Variants in PNPLA7 observed in about 807,000 individuals in gnomAD.
PNPLA7 encodes patatin-like phospholipase domain-containing protein 7.
In PNPLA7, 153 loss-of-function variants were observed where a neutral mutation model predicts 161.7. That is an observed-to-expected ratio of 0.95 (90% CI 0.83 to 1.08). PNPLA7 has a LOEUF of 1.08. Ranked by LOEUF, PNPLA7 falls within the 50% of genes least tolerant of loss-of-function variation. The pLI, the probability that PNPLA7 is intolerant of heterozygous loss-of-function variation, is 0.00. For synonymous variants in PNPLA7, 809 were observed against 782.1 expected (o/e 1.03, Z -0.57); for missense variants, 1,739 against 1,856.6 (o/e 0.94, Z 1.16).
chr9:137,462,465 C>T lies in PNPLA7; in HGVS notation c.3493-134G>A, dbSNP rs1166236144. 3 of 1,442,482 alleles carry T rather than the reference C, an allele frequency of 2.1e-6. No homozygotes were observed. The African/African-American group carries it at 4.3e-5, about 21-fold the overall frequency. 89.4% of individuals were successfully genotyped at this position (1,442,482 alleles called of 1,614,324 possible). Reference sequence around the variant, plus strand: ...TTCTGGGGGGAGAGGGTAGCAGCACCCGGCCGGGGGTCCTCCCTGCGGGCT... The same window carrying T: ...TTCTGGGGGGAGAGGGTAGCAGCACTCGGCCGGGGGTCCTCCCTGCGGGCT... On this transcript the variant is annotated intron_variant, in intron 30 of 34. Coordinates refer to ENST00000406427, the MANE Select transcript of PNPLA7 (RefSeq NM_001098537.3).
intron 8 of PNPLA7, among the ~76,000 whole-genome samples, chr9:137,531,560 G>A (rs1004820680): frequency 6.6e-6 from 1 of 152,112 alleles, no homozygotes; most frequent in Admixed American, 6.6e-5. Flanking sequence ...GTATGTAGCA[G>A]CCAGCAATCA....
chr9:137,481,390 G>A (rs781301002), intron 21 of PNPLA7, among the ~76,000 whole-genome samples: 12 of 152,352 alleles, frequency 7.9e-5, no homozygotes, highest in East Asian at 7.7e-4. Context: ...GGGAGATAAC[G>A]TAATTTCCAA....
intron 25 of PNPLA7, among the ~76,000 whole-genome samples, chr9:137,471,597 CAAA>C (rs11451865): frequency 6.8e-4 from 72 of 105,738 alleles, no homozygotes; most frequent in Non-Finnish European, 7.6e-4. Flanking sequence ...GACTCCGTCT[CAAA>C]AAAAAAAAAA....
Position 137,533,265 on chromosome 9 carries a change from T to C in PNPLA7, c.747+7377A>G, listed in dbSNP as rs541579035. On this transcript the variant is annotated intron_variant, in intron 8 of 34. Coordinates refer to ENST00000406427, the MANE Select transcript of PNPLA7 (RefSeq NM_001098537.3). ...GGACTCCCAGACTCCTCCCCAACAGTGTCCACTCCAGGCGGGAGGACTCCC... is the reference window on the plus strand; with the variant it reads ...GGACTCCCAGACTCCTCCCCAACAGCGTCCACTCCAGGCGGGAGGACTCCC... Among the ~76,000 whole-genome samples, 23 of 143,368 alleles carry C rather than the reference T, an allele frequency of 1.6e-4. No homozygotes were observed. The South Asian group carries it at 2.9e-3, about 18-fold the overall frequency. The allele number at this position is 143,368 out of a possible 152,430, so 94.1% of individuals were successfully genotyped here.
intron 8 of PNPLA7, among the ~76,000 whole-genome samples, chr9:137,531,718 TA>T (rs1372755190): frequency 6.6e-6 from 1 of 152,180 alleles, no homozygotes; most frequent in Non-Finnish European, 1.5e-5. Context: ...TGATGCCATT[TA>T]TGAGATTTAG....
Position 137,460,665 on chromosome 9 carries a change from TG to T in PNPLA7, c.3913del (p.Gln1305ArgfsTer43). 1 of 1,612,820 alleles carries T rather than the reference TG, an allele frequency of 6.2e-7. No individual in the cohort carries two copies. The highest frequency in any genetic ancestry group is 1.3e-5 in the African/African-American group (1 of 75,048). ...TGAGCCCTGCTGGGCTGAGGTGCTC[TG>T]GAAGTCTGCGTATGCATCCCTGGGG... ...DVPRDAYADF[Q>X]STSAQQGSDL... On this transcript the variant is annotated frameshift_variant, in exon 34 of 35. Coordinates refer to ENST00000406427, the MANE Select transcript of PNPLA7 (RefSeq NM_001098537.3). LOFTEE classifies it low-confidence loss of function (END_TRUNC).
At chr9:137,497,794 T>G (rs748449309) in intron 17 of PNPLA7, among the ~76,000 whole-genome samples, 22 of 152,258 alleles carry the variant, frequency 1.4e-4, no homozygotes, top group Non-Finnish European at 2.6e-4. Flanking sequence ...CCCAAAGTGC[T>G]GGGATGACAC....
intron 19 of PNPLA7, among the ~76,000 whole-genome samples, chr9:137,493,817 C>T (rs1832897800): frequency 1.3e-5 from 2 of 152,254 alleles, no homozygotes; most frequent in Non-Finnish European, 2.9e-5. Flanking sequence ...CTGTGGCTGC[C>T]ACCCTGGAGC....
intron 25 of PNPLA7, among the ~76,000 whole-genome samples, chr9:137,470,625 G>A (rs1474999066): frequency 2.6e-5 from 4 of 152,112 alleles, no homozygotes; most frequent in African/African-American, 9.7e-5. Flanking sequence ...TCCCACTTAA[G>A]CTTATGAAGC....
Position 137,500,913 on chromosome 9 carries a change from C to T in PNPLA7, c.1552-17G>A, listed in dbSNP as rs953794209. 13 of 1,549,578 alleles carry T rather than the reference C, an allele frequency of 8.4e-6. No individual in the cohort carries two copies. The highest frequency in any genetic ancestry group is 9.6e-6 in the Non-Finnish European group (11 of 1,151,434). On this transcript the variant is annotated splice_polypyrimidine_tract_variant and intron_variant, in intron 15 of 34. Coordinates refer to ENST00000406427, the MANE Select transcript of PNPLA7 (RefSeq NM_001098537.3). The surrounding 1 kb of genome is among the most constrained non-coding windows in gnomAD (Gnocchi z 5.5). ...GCTGGCGTCCTGACACACGAGAGGG[C>T]TCAGGAGGCGCCGCGAGTGGCCGCG...
Position 137,461,938 on chromosome 9 carries a change from G to C in PNPLA7, c.3749C>G (p.Ala1250Gly). The C allele has an allele frequency of 6.4e-7, 1 of 1,572,256 alleles. No individual in the cohort carries two copies. The highest frequency in any genetic ancestry group is 8.6e-7 in the Non-Finnish European group (1 of 1,164,176). Residue 1250 changes from alanine to glycine, a missense_variant, in exon 32 of 35, where the codon GCG becomes GGG. By Grantham distance (60) the Ala-to-Gly change is moderately conservative (BLOSUM62 0). Transcript: ENST00000406427. ...CCGGACGCCCGTACTCACCGCACTC[G>C]CGGGCTTCTTGCTCGGCCCCTGCTG... ...RDQQGPSKKP[A>G]SAVLTCPNAS... is the part of the protein sequence containing the mutation.
intron 8 of PNPLA7, among the ~76,000 whole-genome samples, chr9:137,533,770 A>G (rs1410573236): frequency 8.5e-6 from 1 of 117,634 alleles, no homozygotes; most frequent in Non-Finnish European, 1.8e-5. Context: ...ACAACAGTGT[A>G]CACTCTAGAC....
intron 12 of PNPLA7, chr9:137,509,953 C>T: frequency 3.0e-6 from 1 of 332,082 alleles, no homozygotes; most frequent in Non-Finnish European, 6.0e-6. Context: ...CCTCGCTCTA[C>T]AATCATAACC....
rs753634412 is a variant in PNPLA7, at chr9:137,461,952, C to T, written c.3735G>A (p.Pro1245=). The change falls in exon 32 of 35, where the codon CCG becomes CCA. Residue 1245 remains proline, a synonymous_variant. Transcript: ENST00000406427. ...LEKMLRDQQG[P]SKKPASAVLT... is the part of the protein sequence containing the mutation. ...TCACCGCACTCGCGGGCTTCTTGCT[C>T]GGCCCCTGCTGGTCGCGGAGCATCT... The T allele has an allele frequency of 8.2e-6, 13 of 1,587,554 alleles. No individual in the cohort carries two copies. The highest frequency in any genetic ancestry group is 1.1e-5 in the Non-Finnish European group (13 of 1,171,394).
chr9:137,544,763 C>A (rs1396549990), intron 4 of PNPLA7, among the ~76,000 whole-genome samples: 1 of 152,096 alleles, frequency 6.6e-6, no homozygotes, highest in Non-Finnish European at 1.5e-5. Context: ...AATTCTCCTG[C>A]CTCAGCCTCC....
In PNPLA7 at chr9:137,543,126, G is replaced by C. The variant is rs866165049; in HGVS notation, c.506+306C>G. Among the ~76,000 whole-genome samples the C allele has an allele frequency of 2.0e-5, 3 of 152,202 alleles. No individual in the cohort carries two copies. Among genetic ancestry groups the C allele is most frequent in the African/African-American group, 7.2e-5 (3 of 41,448 alleles). On this transcript the variant is annotated intron_variant, in intron 6 of 34. Transcript: ENST00000406427. The surrounding 1 kb of genome is among the most constrained non-coding windows in gnomAD (Gnocchi z 6.9). ...AGGGGTGCAGTCCAGGGGCCAGGCA[G>C]CAAGACAGGAGCACAGAGCAGAACC...
intron 12 of PNPLA7, among the ~76,000 whole-genome samples, chr9:137,512,424 G>A (rs771020917): frequency 3.3e-5 from 5 of 152,256 alleles, no homozygotes; most frequent in Admixed American, 6.5e-5. Context: ...ACCTCACCTC[G>A]GCTGGCAGCC....
At chr9:137,506,308 G>A (rs1273027908) in intron 12 of PNPLA7, among the ~76,000 whole-genome samples, 1 of 152,180 alleles carries the variant, frequency 6.6e-6, no homozygotes, top group Non-Finnish European at 1.5e-5. Context: ...AACCCACACG[G>A]TGCCTTCAAC....
chr9:137,460,752 A>G lies in PNPLA7; in HGVS notation c.3842-15T>C. 5 of 1,608,084 alleles carry G rather than the reference A, an allele frequency of 3.1e-6. No homozygotes were observed. Among genetic ancestry groups the G allele is most frequent in the South Asian group, 1.1e-5 (1 of 90,646 alleles). On this transcript the variant is annotated splice_polypyrimidine_tract_variant and intron_variant, in intron 33 of 34. Transcript: ENST00000406427. ...GTCAGATTCGTCTGGCACCGAGGGT[A>G]GGGCTGCGTCAGTCCCCTCCCAAGG... is the stretch of plus-strand genomic sequence containing the variant.
Sources: allele counts gnomAD v4.1 joint callset (sites outside exome capture counted in the v4.1 genomes callset), GRCh38; gene constraint gnomAD v4.1.1; non-coding constraint Gnocchi (gnomAD v3.1); transcripts MANE v1.5; gene names NCBI Gene and HGNC (gene_info 2026-07-23, HGNC 2026-07-21).